The following RIPK1 variants were observed in gnomAD, a reference collection of about 807,000 sequenced individuals.
RIPK1 encodes receptor interacting serine/threonine kinase 1, also known as receptor-interacting serine/threonine-protein kinase 1.
Under a neutral mutation model 62.4 loss-of-function variants are expected in RIPK1, and 27 were observed. That is an observed-to-expected ratio of 0.43 (90% CI 0.32 to 0.60). The LOEUF is 0.60. RIPK1 is among the 20% of genes least tolerant of loss of function. The probability of loss-of-function intolerance (pLI) is 0.07; values close to 1 mark genes in which losing one functional copy is unlikely to be tolerated. For synonymous variants in RIPK1, 287 were observed against 303.2 expected, an observed-to-expected ratio of 0.95 and a Z score of 0.55; for missense variants, 735 against 831.0, an observed-to-expected ratio of 0.88 and a Z score of 1.42.
At chr6:3,087,806 G>A (rs1036607423) in intron 6 of RIPK1, among the ~76,000 whole-genome samples, 6 of 149,144 alleles carry the variant, frequency 4.0e-5, no homozygotes, top group African/African-American at 1.5e-4. Context: ...CCCAAAGTGT[G>A]GGATTACAGG....
upstream of RIPK1, among the ~76,000 whole-genome samples, chr6:3,065,484 A>C (rs1758343430): frequency 2.0e-5 from 3 of 151,764 alleles, no homozygotes; most frequent in South Asian, 6.2e-4. Flanking sequence ...CAGGCACAGG[A>C]TCCAAAGTGG....
At chr6:3,102,193 TCAAAATC>T (rs1240498959) in intron 7 of RIPK1, among the ~76,000 whole-genome samples, 2 of 152,174 alleles carry the variant, frequency 1.3e-5, no homozygotes, top group Non-Finnish European at 2.9e-5. Flanking sequence ...AATCCAAAAT[TCAAAATC>T]CTCCAAAATC....
At chr6:3,083,457 C>T (rs2113609341) in intron 5 of RIPK1, 144 bp downstream of exon 5, 2 of 671,974 alleles carry the variant, frequency 3.0e-6, no homozygotes, top group African/African-American at 1.8e-5. Context: ...ATAGGAACCT[C>T]GATAGTGTGT....
intron 9 of RIPK1, among the ~76,000 whole-genome samples, chr6:3,108,921 C>G (rs1217959426): frequency 1.3e-5 from 2 of 152,104 alleles, no homozygotes. Flanking sequence ...GGTGGCCTAC[C>G]TTAGGGCCAG....
chr6:3,078,374 GA>G (rs1414412780), intron 3 of RIPK1, among the ~76,000 whole-genome samples: 1 of 152,088 alleles, frequency 6.6e-6, no homozygotes, highest in African/African-American at 2.4e-5. Context: ...CCCTGTCTCT[GA>G]AAAAAAGAGA....
intron 6 of RIPK1, 117 bp downstream of exon 6, chr6:3,085,525 T>C: frequency 9.5e-7 from 1 of 1,048,704 alleles, no homozygotes; most frequent in Non-Finnish European, 1.4e-6. Flanking sequence ...TGACTTGTGG[T>C]TTTAAACTGA....
intron 6 of RIPK1, among the ~76,000 whole-genome samples, chr6:3,087,739 C>A (rs1452946631): frequency 6.6e-6 from 1 of 151,932 alleles, no homozygotes; most frequent in Non-Finnish European, 1.5e-5. Context: ...CGGGGTTTCA[C>A]CGTGTTAGCC....
intron 6 of RIPK1, 32 bp from the exon 7 acceptor site, chr6:3,089,549 T>G (rs1759910190): frequency 4.0e-6 from 4 of 1,002,072 alleles, no homozygotes; most frequent in Non-Finnish European, 6.2e-6. Context: ...AGAAAATAAT[T>G]AAGAAATTTA....
chr6:3,068,139 G>T (rs1324836101), upstream of RIPK1: 4 of 883,746 alleles, frequency 4.5e-6, no homozygotes, highest in East Asian at 1.2e-4. Context: ...ATTTTAAAGG[G>T]CTGCAAAATA....
At chr6:3,112,107 T>C (rs1487203524) in intron 10 of RIPK1, among the ~76,000 whole-genome samples, 1 of 152,102 alleles carries the variant, frequency 6.6e-6, no homozygotes, top group Non-Finnish European at 1.5e-5. Context: ...AGAGAGGTTA[T>C]GGCTATTGGA....
At position 3,101,468 on chromosome 6, in the gene RIPK1, G is replaced by A. The variant is rs113302952; in HGVS notation, c.916-2757G>A. On this transcript the variant is annotated intron_variant, in intron 7 of 10. Coordinates refer to ENST00000259808, the MANE Select transcript of RIPK1 (RefSeq NM_001354930.2). ...AGATTTGATCTCTAAAAATAAACAT[G>A]CAAAGAGACAAAAACAATATATAGA... 5.3e-3 allele frequency among the ~76,000 whole-genome samples: 802 copies of A among 152,142 alleles called. 7 individuals carry two copies. The highest frequency in any genetic ancestry group is 0.019 in the African/African-American group (785 of 41,520).
At chr6:3,067,722 G>T (rs1462529341), upstream of RIPK1, among the ~76,000 whole-genome samples, 1 of 143,806 alleles carries the variant, frequency 7.0e-6, no homozygotes, top group African/African-American at 2.6e-5. Context: ...TCTTTTCACA[G>T]TATGTAATCC....
chr6:3,102,690 T>G (rs1278968355), intron 7 of RIPK1, among the ~76,000 whole-genome samples: 3 of 152,104 alleles, frequency 2.0e-5, no homozygotes, highest in South Asian at 2.1e-4. Flanking sequence ...AACCTCCGCC[T>G]CCCGGGTTCA....
rs1331296741 is a variant in RIPK1, at chr6:3,085,323, C to T, written c.753C>T (p.Asp251=). ...CTGGGAACAGGCCAGATGTGGATGA[C>T]ATCACTGAGTACTGCCCAAGAGAAA... ...IKSGNRPDVD[D]ITEYCPREII... Residue 251 remains aspartate, a synonymous_variant, in exon 6 of 11, where the codon GAC becomes GAT. Transcript: ENST00000259808. 6 of 1,614,078 alleles carry T rather than the reference C, an allele frequency of 3.7e-6. No homozygotes were observed. Among genetic ancestry groups the T allele is most frequent in the Non-Finnish European group, 5.1e-6 (6 of 1,180,004 alleles).
chr6:3,073,395 ATAAG>A (rs749255057), intron 1 of RIPK1, among the ~76,000 whole-genome samples: 27 of 152,098 alleles, frequency 1.8e-4, no homozygotes, highest in Non-Finnish European at 2.5e-4. Context: ...AAACTGAGGC[ATAAG>A]TAAGTGCCCC....
chr6:3,073,504 G>A (rs370725327), intron 1 of RIPK1, among the ~76,000 whole-genome samples: 32 of 152,138 alleles, frequency 2.1e-4, no homozygotes, highest in East Asian at 3.9e-4. Flanking sequence ...CTTACCTCAC[G>A]CGTGTGCCTC....
intron 7 of RIPK1, among the ~76,000 whole-genome samples, chr6:3,094,290 T>C (rs1377347056): frequency 6.6e-6 from 1 of 152,206 alleles, no homozygotes; most frequent in African/African-American, 2.4e-5. Context: ...AAACTGACCA[T>C]GTGCTGGGAA....
Position 3,105,459 on chromosome 6 carries a change from T to C in RIPK1, c.1007-23T>C, listed in dbSNP as rs1235333949. On this transcript the variant is annotated intron_variant, in intron 8 of 10. Coordinates refer to ENST00000259808, the MANE Select transcript of RIPK1 (RefSeq NM_001354930.2). The surrounding 1 kb of genome is among the most constrained non-coding windows in gnomAD (Gnocchi z 4.5). ...TTTTAATGTTTCATGACACCCATTC[T>C]AATGTTGATCATTTCTTCTCAGCCA... 2.0e-6 allele frequency: 3 copies of C among 1,500,072 alleles called. No homozygotes were observed. Among genetic ancestry groups the C allele is most frequent in the African/African-American group, 2.8e-5 (2 of 71,276 alleles). The allele number at this position is 1,500,072 out of a possible 1,614,324, so 92.9% of individuals were successfully genotyped here.
chr6:3,073,086 G>GT (rs1440442702), intron 1 of RIPK1, among the ~76,000 whole-genome samples: 1 of 151,776 alleles, frequency 6.6e-6, no homozygotes, highest in Non-Finnish European at 1.5e-5. Context: ...CAACAAACGT[G>GT]TTTTCACAAA....
Sources: allele counts gnomAD v4.1 joint callset (sites outside exome capture counted in the v4.1 genomes callset), GRCh38; gene constraint gnomAD v4.1.1; non-coding constraint Gnocchi (gnomAD v3.1); transcripts MANE v1.5; gene names NCBI Gene and HGNC (gene_info 2026-07-23, HGNC 2026-07-21).